LRP5: variants seen among roughly 807,000 people sequenced by gnomAD.
LRP5 encodes LDL receptor related protein 5.
A neutral mutation model predicts 154.1 loss-of-function variants in LRP5; 62 were observed. The observed-to-expected ratio is 0.40, with a 90% CI of 0.33 to 0.50. LRP5 has a LOEUF of 0.50. LRP5 is among the 20% of genes least tolerant of loss of function. The pLI is 0.55. For missense variants in LRP5, 1,915 were observed against 2,336.7 expected (o/e 0.82, Z 3.72); for synonymous variants, 966 against 1,011.5 (o/e 0.96, Z 0.85).
At position 68,407,304 on chromosome 11, in the gene LRP5, G is replaced by A. The variant is rs188013264; in HGVS notation, c.2091+491G>A. Among the ~76,000 whole-genome samples the A allele has an allele frequency of 2.1e-4, 32 of 151,846 alleles. 1 individual carries two copies. The East Asian group carries it at 5.7e-3, about 27-fold the overall frequency. On this transcript the variant is annotated intron_variant, in intron 9 of 22. Coordinates refer to ENST00000294304, the MANE Select transcript of LRP5 (RefSeq NM_002335.4). ...CTGCCTCAGCCTCCTGAGTAGCTGG[G>A]ACTACAGACATGCACCACCACACCC...
intron 1 of LRP5, among the ~76,000 whole-genome samples, chr11:68,329,188 T>C (rs1355258710): frequency 6.6e-6 from 1 of 152,266 alleles, no homozygotes; most frequent in Non-Finnish European, 1.5e-5. Context: ...AAATCCTTGT[T>C]TTTAAATAAA....
intron 21 of LRP5, among the ~76,000 whole-genome samples, chr11:68,441,581 A>G (rs1199990232): frequency 6.6e-6 from 1 of 152,202 alleles, no homozygotes; most frequent in Non-Finnish European, 1.5e-5. Flanking sequence ...CTGCTGCTGC[A>G]ACCCAGCTTA....
At chr11:68,348,286 G>A in intron 2 of LRP5, 43 bp downstream of exon 2, 2 of 1,599,012 alleles carry the variant, frequency 1.3e-6, no homozygotes, top group Non-Finnish European at 1.7e-6. Context: ...GGGGCGGGGA[G>A]TGTCACCATC....
rs561420464 is a variant in LRP5, at chr11:68,318,739, T to C, written c.91+5934T>C. Among the ~76,000 whole-genome samples the C allele has an allele frequency of 4.6e-5, 7 of 152,272 alleles. No individual in the cohort carries two copies. In the South Asian group the frequency reaches 6.2e-4, roughly 14 times the overall value. ...GGGCTCAAGGACCCCTTCAAGGATA[T>C]GACAACGGCTCCTCTCCTGAGAAGG... On this transcript the variant is annotated intron_variant, in intron 1 of 22. Transcript: ENST00000294304.
intron 13 of LRP5, among the ~76,000 whole-genome samples, chr11:68,421,793 T>G (rs1292094206): frequency 9.7e-6 from 1 of 102,592 alleles, no homozygotes; most frequent in Non-Finnish European, 1.9e-5. Context: ...TGTGTGTGTG[T>G]GGGGTGTGTG....
At chr11:68,410,321 G>A (rs1443525821) in intron 10 of LRP5, among the ~76,000 whole-genome samples, 181 bp downstream of exon 10, 4 of 152,180 alleles carry the variant, frequency 2.6e-5, no homozygotes, top group African/African-American at 7.2e-5. Flanking sequence ...GAGTTCCTTC[G>A]TGGAGCGGGT....
At chr11:68,370,795 C>T (rs2098633625) in intron 5 of LRP5, among the ~76,000 whole-genome samples, 2 of 152,192 alleles carry the variant, frequency 1.3e-5, no homozygotes, top group African/African-American at 4.8e-5. Flanking sequence ...GACTCTGGGC[C>T]GGGAACGTCC....
intron 3 of LRP5, among the ~76,000 whole-genome samples, chr11:68,362,305 G>A (rs527554031): frequency 2.7e-4 from 41 of 152,316 alleles, no homozygotes; most frequent in African/African-American, 9.9e-4. Flanking sequence ...TTTGCCTGTG[G>A]GGCAATGGAA....
chr11:68,366,154 G>C (rs573368959), intron 5 of LRP5, among the ~76,000 whole-genome samples: 1 of 152,186 alleles, frequency 6.6e-6, no homozygotes, highest in Non-Finnish European at 1.5e-5. Context: ...TCTGGCCTCT[G>C]GGGCTGACCC....
At chr11:68,385,892 G>A (rs1296189880) in intron 5 of LRP5, among the ~76,000 whole-genome samples, 2 of 152,088 alleles carry the variant, frequency 1.3e-5, no homozygotes, top group Non-Finnish European at 2.9e-5. Flanking sequence ...TGGGGACGCT[G>A]AGCAGCATGG....
At chr11:68,382,754 T>TG (rs1485345162) in intron 5 of LRP5, among the ~76,000 whole-genome samples, 2 of 152,206 alleles carry the variant, frequency 1.3e-5, no homozygotes, top group East Asian at 1.9e-4. Context: ...GCTTTCCTCT[T>TG]GCGGCTGTGT....
intron 12 of LRP5, among the ~76,000 whole-genome samples, chr11:68,415,649 A>G (rs12788669): frequency 0.16 from 5,633 of 35,796 alleles, 1,152 homozygotes; most frequent in South Asian, 0.3. Context: ...GGAGGCTGAG[A>G]GAGGAGAATC....
chr11:68,361,159 G>C (rs1453278701), intron 3 of LRP5, among the ~76,000 whole-genome samples: 2 of 147,550 alleles, frequency 1.4e-5, no homozygotes, highest in Non-Finnish European at 3.0e-5. Flanking sequence ...CAAAAAATTA[G>C]CCGGGCATCG....
chr11:68,303,420 C>T, the LRP5 span, among the ~76,000 whole-genome samples: 4 of 152,106 alleles, frequency 2.6e-5, no homozygotes, highest in African/African-American at 7.2e-5. Context: ...ATTTTCATGC[C>T]CTAGGGATCT....
At chr11:68,399,048 C>T (rs774365252) in intron 7 of LRP5, among the ~76,000 whole-genome samples, 1 of 151,946 alleles carries the variant, frequency 6.6e-6, no homozygotes, top group Non-Finnish European at 1.5e-5. Flanking sequence ...AAAGTTTTGC[C>T]GGGTGTGGTA....
At chr11:68,326,958 G>C (rs2098600043) in intron 1 of LRP5, among the ~76,000 whole-genome samples, 1 of 152,222 alleles carries the variant, frequency 6.6e-6, no homozygotes, top group Non-Finnish European at 1.5e-5. Flanking sequence ...ACACCCAGTT[G>C]AGGAGAACGT....
At position 68,386,731 on chromosome 11, in the gene LRP5, G is replaced by A; in HGVS notation, c.1412+19G>A. 6.2e-7 allele frequency: 1 copy of A among 1,607,236 alleles called. No homozygotes were observed. Among genetic ancestry groups the A allele is most frequent in the Non-Finnish European group, 8.5e-7 (1 of 1,176,922 alleles). ...TGATGGGGTAAGACGGGCGGGGGCTGGGGCCTGGAGCCAGGGCCAGGCCAA... is the reference window on the plus strand; with the variant it reads ...TGATGGGGTAAGACGGGCGGGGGCTAGGGCCTGGAGCCAGGGCCAGGCCAA... On this transcript the variant is annotated intron_variant, in intron 6 of 22. Coordinates refer to ENST00000294304, the MANE Select transcript of LRP5 (RefSeq NM_002335.4). This position sits in a 1 kb window ranked among gnomAD's most constrained non-coding sequence, Gnocchi z 7.9.
chr11:68,427,383 A>G (rs2098669373), intron 16 of LRP5, among the ~76,000 whole-genome samples: 1 of 152,026 alleles, frequency 6.6e-6, no homozygotes, highest in Non-Finnish European at 1.5e-5. Flanking sequence ...AAAAAATACA[A>G]ACAAAAAGGG....
intron 21 of LRP5, among the ~76,000 whole-genome samples, chr11:68,442,750 T>C (rs2098678865): frequency 6.6e-6 from 1 of 152,232 alleles, no homozygotes; most frequent in Non-Finnish European, 1.5e-5. Context: ...GAGGAGGTGC[T>C]ATTGTTTTCC....
Sources: gnomAD v4.1 joint callset for allele counts (sites outside exome capture counted in the v4.1 genomes callset) on GRCh38, gnomAD v4.1.1 for gene constraint, Gnocchi (gnomAD v3.1) non-coding constraint, MANE v1.5 for transcripts, NCBI Gene and HGNC (gene_info 2026-07-23, HGNC 2026-07-21) for gene names.